AGMO: variants seen among roughly 807,000 people sequenced by gnomAD.
AGMO encodes alkylglycerol monooxygenase.
In AGMO, 75 loss-of-function variants were observed where a neutral mutation model predicts 60.2. The ratio of observed to expected loss-of-function variants is 1.25; its 90% CI spans 1.03 to 1.51. AGMO has a LOEUF of 1.51. Among genes scored for constraint, AGMO ranks in the 40% most tolerant of loss-of-function variants. AGMO has a pLI of 0.00. For missense variants in AGMO, 763 were observed against 525.5 expected, an observed-to-expected ratio of 1.45 and a Z score of -4.42; for synonymous variants, 261 against 177.1, an observed-to-expected ratio of 1.47 and a Z score of -3.76.
intron 2 of AGMO, among the ~76,000 whole-genome samples, chr7:15,559,069 T>C (rs1467290474): frequency 6.6e-6 from 1 of 152,140 alleles, no homozygotes; most frequent in Non-Finnish European, 1.5e-5. Context: ...TTTATTGGTC[T>C]TTCCTCTTCA....
At chr7:15,387,316 T>G in intron 9 of AGMO, 90 bp downstream of exon 9, 1 of 1,412,756 alleles carries the variant, frequency 7.1e-7, no homozygotes, top group Non-Finnish European at 9.6e-7. Flanking sequence ...TTTTACAGAT[T>G]TGCATGAAAA....
intron 3 of AGMO, among the ~76,000 whole-genome samples, chr7:15,457,208 T>C (rs1022122796): frequency 1.3e-5 from 2 of 152,190 alleles, no homozygotes; most frequent in African/African-American, 4.8e-5. Flanking sequence ...TTTTGTATTC[T>C]ATGCTTCAAA....
chr7:15,320,836 T>C (rs529563456), intron 12 of AGMO, among the ~76,000 whole-genome samples: 1 of 152,202 alleles, frequency 6.6e-6, no homozygotes, highest in East Asian at 1.9e-4. Context: ...AACAACTATG[T>C]TTAACATAAT....
intron 3 of AGMO, among the ~76,000 whole-genome samples, chr7:15,497,445 A>G (rs78008183): frequency 0.055 from 8,296 of 152,180 alleles, 317 homozygotes; most frequent in African/African-American, 0.11. Context: ...TATATTTTAA[A>G]TTTTATGGAA....
intron 3 of AGMO, among the ~76,000 whole-genome samples, chr7:15,504,185 C>G (rs77470202): frequency 0.013 from 1,959 of 152,016 alleles, 36 homozygotes; most frequent in African/African-American, 0.044. Context: ...ACCCAGCATA[C>G]CAACTGCAGA....
chr7:15,370,375 T>TCATCGCAG (rs1783160710), intron 10 of AGMO, among the ~76,000 whole-genome samples: 2 of 152,200 alleles, frequency 1.3e-5, no homozygotes, highest in Non-Finnish European at 2.9e-5. Context: ...AGTGCATGTG[T>TCATCGCAG]CTTTTAGAGT....
chr7:15,219,531 G>A (rs962022942), intron 12 of AGMO, among the ~76,000 whole-genome samples: 1 of 152,078 alleles, frequency 6.6e-6, no homozygotes, highest in Admixed American at 6.5e-5. Context: ...CATTCTGAGA[G>A]GTCTGATCCT....
At chr7:15,147,658 A>G in the AGMO span, among the ~76,000 whole-genome samples, 286 of 152,224 alleles carry the variant, frequency 1.9e-3, no homozygotes, top group African/African-American at 6.5e-3. Flanking sequence ...GCTACAGCCA[A>G]CTACCAAGGA....
the AGMO span, among the ~76,000 whole-genome samples, chr7:15,170,933 T>A: frequency 6.6e-6 from 1 of 152,122 alleles, no homozygotes; most frequent in Non-Finnish European, 1.5e-5. Context: ...ATTTGACTTA[T>A]TTTTTTCCTC....
chr7:15,219,990 C>A (rs576104531), intron 12 of AGMO, among the ~76,000 whole-genome samples: 2 of 152,204 alleles, frequency 1.3e-5, no homozygotes, highest in East Asian at 1.9e-4. Flanking sequence ...TCCTCTAATT[C>A]TTTTCTTCAA....
chr7:15,247,396 A>G (rs1782770591), intron 12 of AGMO, among the ~76,000 whole-genome samples: 1 of 149,148 alleles, frequency 6.7e-6, no homozygotes, highest in Non-Finnish European at 1.5e-5. Flanking sequence ...CATTTTGTTA[A>G]TATATGACTT....
At chr7:15,387,904 C>CTT (rs11437914) in intron 8 of AGMO, among the ~76,000 whole-genome samples, 2,309 of 137,604 alleles carry the variant, frequency 0.017, 32 homozygotes, top group South Asian at 0.028. Context: ...GACACATTCT[C>CTT]TTTTTTTTTT....
At chr7:15,294,492 C>G (rs948925627) in intron 12 of AGMO, among the ~76,000 whole-genome samples, 1 of 149,850 alleles carries the variant, frequency 6.7e-6, no homozygotes, top group Non-Finnish European at 1.5e-5. Context: ...ACAATAAAAC[C>G]TCAATTTCAA....
intron 3 of AGMO, among the ~76,000 whole-genome samples, chr7:15,461,974 T>A (rs1782155295): frequency 6.6e-6 from 1 of 152,058 alleles, no homozygotes; most frequent in African/African-American, 2.4e-5. Flanking sequence ...TCCAAATAAT[T>A]CATAATATTT....
chr7:15,493,271 C>G (rs1783118364), intron 3 of AGMO, among the ~76,000 whole-genome samples: 1 of 147,964 alleles, frequency 6.8e-6, no homozygotes, highest in Non-Finnish European at 1.5e-5. Context: ...TTTTGTTAGT[C>G]TCATTCTTTC....
intron 12 of AGMO, among the ~76,000 whole-genome samples, chr7:15,270,437 G>C (rs759398908): frequency 2.6e-5 from 4 of 151,728 alleles, no homozygotes; most frequent in Non-Finnish European, 5.9e-5. Context: ...AGAAATGTCT[G>C]TTCATGTCCT....
chr7:15,228,825 A>C (rs543189088), intron 12 of AGMO, among the ~76,000 whole-genome samples: 225 of 152,240 alleles, frequency 1.5e-3, no homozygotes, highest in African/African-American at 5.3e-3. Context: ...AAAATTAGCC[A>C]ATCATGGATC....
At chr7:15,165,092 A>T in the AGMO span, among the ~76,000 whole-genome samples, 3 of 152,278 alleles carry the variant, frequency 2.0e-5, no homozygotes, top group East Asian at 5.8e-4. Flanking sequence ...AGCTACATGG[A>T]TGGAGCGGGA....
chr7:15,268,030 T>C (rs553390331), intron 12 of AGMO, among the ~76,000 whole-genome samples: 43 of 152,052 alleles, frequency 2.8e-4, no homozygotes, highest in African/African-American at 8.9e-4. Context: ...GTGCCAAACA[T>C]AGGTTGCATG....
Sources: allele counts gnomAD v4.1 joint callset (sites outside exome capture counted in the v4.1 genomes callset), GRCh38; gene constraint gnomAD v4.1.1; transcripts MANE v1.5; gene names NCBI Gene and HGNC (gene_info 2026-07-23, HGNC 2026-07-21).